The following TRIO variants were observed in gnomAD, a reference collection of about 807,000 sequenced individuals.
TRIO encodes trio Rho guanine nucleotide exchange factor.
Under a neutral mutation model 351.9 loss-of-function variants are expected in TRIO, and 58 were observed. The ratio of observed to expected loss-of-function variants is 0.16; its 90% CI spans 0.13 to 0.21. TRIO has a LOEUF of 0.21. Ranked by LOEUF, TRIO falls within the 10% of genes least tolerant of loss-of-function variation. The pLI is 1.00. For synonymous variants in TRIO, 1,758 were observed against 1,595.7 expected, an observed-to-expected ratio of 1.10 and a Z score of -2.42; for missense variants, 3,201 against 4,027.8, an observed-to-expected ratio of 0.79 and a Z score of 5.56.
At chr5:14,500,569 C>T (rs1311899396) in intron 53 of TRIO, among the ~76,000 whole-genome samples, 2 of 152,138 alleles carry the variant, frequency 1.3e-5, no homozygotes, top group Non-Finnish European at 2.9e-5. Flanking sequence ...GCCCTGTCAT[C>T]CCACCAGCCA....
chr5:14,346,974 T>A (rs905896990), intron 11 of TRIO, among the ~76,000 whole-genome samples: 1 of 152,234 alleles, frequency 6.6e-6, no homozygotes, highest in African/African-American at 2.4e-5. Context: ...GAGCCACAGT[T>A]AGATCAGACG....
At chr5:14,466,451 A>G (rs1330554640) in intron 37 of TRIO, 1 of 152,226 alleles carries the variant, frequency 6.6e-6, no homozygotes, top group Non-Finnish European at 1.5e-5. Context: ...TTCATTTGAT[A>G]AAAGCCCCAA....
chr5:14,284,868 ACT>A (rs1409692311), intron 3 of TRIO, among the ~76,000 whole-genome samples: 1 of 152,180 alleles, frequency 6.6e-6, no homozygotes, highest in East Asian at 1.9e-4. Context: ...AGAATGCCTT[ACT>A]GGGCAGCAGG....
chr5:14,485,781 T>A (rs895704448), intron 47 of TRIO, among the ~76,000 whole-genome samples: 6 of 151,678 alleles, frequency 4.0e-5, no homozygotes, highest in African/African-American at 1.2e-4. Flanking sequence ...AGGTCAGGAG[T>A]TTGAGACCAG....
Position 14,316,755 on chromosome 5 carries a change from C to T in TRIO, c.1731+12C>T, listed in dbSNP as rs1264050390. 2 of 1,608,396 alleles carry T rather than the reference C, an allele frequency of 1.2e-6. No homozygotes were observed. Among genetic ancestry groups the T allele is most frequent in the Middle Eastern group, 1.7e-4 (1 of 6,052 alleles). On this transcript the variant is annotated intron_variant, in intron 9 of 56. Transcript: ENST00000344204. ...AGGACGTTCAGCAGGTCAGTTTCGC[C>T]TCATGCCCTTCTGCATGGGAAATGG... is the stretch of plus-strand genomic sequence containing the variant.
At chr5:14,306,555 T>A (rs770586606) in intron 8 of TRIO, among the ~76,000 whole-genome samples, 2 of 152,260 alleles carry the variant, frequency 1.3e-5, no homozygotes, top group Non-Finnish European at 2.9e-5. Flanking sequence ...TCTGCTTATA[T>A]GAATCTCTTG....
At chr5:14,227,448 G>T (rs1405074527) in intron 1 of TRIO, among the ~76,000 whole-genome samples, 1 of 152,182 alleles carries the variant, frequency 6.6e-6, no homozygotes, top group Non-Finnish European at 1.5e-5. Context: ...CTCATTTGTG[G>T]TTGTCATACT....
At chr5:14,301,679 T>A (rs776133998) in intron 7 of TRIO, among the ~76,000 whole-genome samples, 13 of 152,218 alleles carry the variant, frequency 8.5e-5, no homozygotes, top group Non-Finnish European at 1.8e-4. Flanking sequence ...GTTATGAAGG[T>A]ACCTGTTGAA....
At position 14,152,282 on chromosome 5, in the gene TRIO, A is replaced by G. The variant is rs149576789; in HGVS notation, c.157+8400A>G. ...CCAGAGTGATGAAAGCTGGCATGCA[A>G]GGGAACATTACTAGCTCGAAAAGCA... On this transcript the variant is annotated intron_variant, in intron 1 of 56. Transcript: ENST00000344204. Among the ~76,000 whole-genome samples the G allele has an allele frequency of 9.7e-3, 1,482 of 152,340 alleles. 28 individuals are homozygous for G. The highest frequency in any genetic ancestry group is 0.034 in the African/African-American group (1,417 of 41,576).
intron 55 of TRIO, among the ~76,000 whole-genome samples, chr5:14,505,106 C>T (rs549085668): frequency 6.6e-6 from 1 of 152,364 alleles, no homozygotes; most frequent in African/African-American, 2.4e-5. Context: ...CCAGAGCTGC[C>T]CCTCTGGTCC....
intron 3 of TRIO, among the ~76,000 whole-genome samples, chr5:14,282,142 A>C (rs548047061): frequency 6.6e-6 from 1 of 152,212 alleles, no homozygotes; most frequent in Non-Finnish European, 1.5e-5. Flanking sequence ...TATCTGGAGT[A>C]AGTTTTCCCT....
chr5:14,400,595 G>A (rs1747989378), intron 30 of TRIO, among the ~76,000 whole-genome samples: 1 of 152,178 alleles, frequency 6.6e-6, no homozygotes, highest in African/African-American at 2.4e-5. Flanking sequence ...GAACATGGTG[G>A]CAGCCCTTTT....
intron 48 of TRIO, among the ~76,000 whole-genome samples, chr5:14,489,826 A>G (rs1756348950): frequency 6.6e-6 from 1 of 152,170 alleles, no homozygotes; most frequent in Admixed American, 6.5e-5. Flanking sequence ...AGGTTGGGAA[A>G]GTTGCTTTTG....
At chr5:14,311,221 C>T (rs1023277548) in intron 8 of TRIO, among the ~76,000 whole-genome samples, 3 of 152,212 alleles carry the variant, frequency 2.0e-5, no homozygotes, top group Non-Finnish European at 4.4e-5. Flanking sequence ...ATGGAACTGA[C>T]TCACGCCAAC....
chr5:14,396,671 T>C (rs1747624904), intron 28 of TRIO, among the ~76,000 whole-genome samples: 1 of 151,282 alleles, frequency 6.6e-6, no homozygotes, highest in Admixed American at 6.6e-5. Context: ...AGTTTTACCA[T>C]GTTGGCCAGG....
rs1743921113 is a variant in TRIO at position 14,359,362 on chromosome 5, C to A, written c.2222C>A (p.Ser741Tyr). 2.5e-6 allele frequency: 4 copies of A among 1,612,516 alleles called. No individual in the cohort carries two copies. Among genetic ancestry groups the A allele is most frequent in the Non-Finnish European group, 3.4e-6 (4 of 1,178,594 alleles). Residue 741 changes from serine (S) to tyrosine (Y), a missense_variant, in exon 13 of 57, where the codon TCT (serine) becomes TAT (tyrosine). Physicochemically the swap from Ser to Tyr is moderately radical, Grantham distance 144. This residue lies in a region of TRIO where 363 missense variants were observed against 553.5 expected (regional missense o/e 0.66). Coordinates refer to ENST00000344204, the MANE Select transcript of TRIO (RefSeq NM_007118.4). ...GEDLIQQLRD[S>Y]AISSNKTPHN... is the part of the protein sequence containing the mutation. ...TCCTCTGTGTGCTCTCGCAGGGACT[C>A]TGCCATCTCCAGTAACAAGACCCCC... is the stretch of plus-strand genomic sequence containing the variant.
chr5:14,372,406 C>T (rs979646997), intron 18 of TRIO, among the ~76,000 whole-genome samples: 3 of 152,078 alleles, frequency 2.0e-5, no homozygotes, highest in Admixed American at 6.5e-5. Context: ...GGTTCAAGTA[C>T]GGTCAGTGCA....
At chr5:14,305,756 C>A (rs955777378) in intron 8 of TRIO, among the ~76,000 whole-genome samples, 4 of 152,116 alleles carry the variant, frequency 2.6e-5, no homozygotes, top group Non-Finnish European at 5.9e-5. Context: ...TGTCCCTGAG[C>A]GAATTAAATG....
rs142876810 is a variant in TRIO at position 14,366,919 on chromosome 5, C to T, written c.2814C>T (p.Ser938=). The T allele has an allele frequency of 3.1e-6, 5 of 1,614,216 alleles. No individual in the cohort carries two copies. Among genetic ancestry groups the T allele is most frequent in the Non-Finnish European group, 4.2e-6 (5 of 1,180,046 alleles). ...TAAATGCCGGACTTATCACAGCCAG[C>T]TCGTTACAAGAGGCAGAGCAGCTCC... ...SMLNAGLITA[S]SLQEAEQLQR... The change falls in exon 16 of 57, where the codon AGC becomes AGT. Residue 938 remains serine (S), a synonymous_variant. Coordinates refer to ENST00000344204, the MANE Select transcript of TRIO (RefSeq NM_007118.4).
Sources: allele counts gnomAD v4.1 joint callset (sites outside exome capture counted in the v4.1 genomes callset), GRCh38; gene constraint gnomAD v4.1.1; regional missense constraint gnomAD v4.1.1; transcripts MANE v1.5; gene names NCBI Gene and HGNC (gene_info 2026-07-23, HGNC 2026-07-21).